Variants in L3MBTL4 observed in about 807,000 individuals in gnomAD.
The protein encoded by L3MBTL4 is L3MBTL histone methyl-lysine binding protein 4.
Under a neutral mutation model 84.5 loss-of-function variants are expected in L3MBTL4, and 70 were observed. That is an observed-to-expected ratio of 0.83 (90% CI 0.68 to 1.01). The LOEUF is 1.01. Among genes scored for constraint, L3MBTL4 ranks in the 50% least tolerant of loss-of-function variants. L3MBTL4 has a pLI of 0.00. For missense variants in L3MBTL4, 715 were observed against 754.8 expected (o/e 0.95, Z 0.62); for synonymous variants, 274 against 259.8 (o/e 1.05, Z -0.52).
At chr18:6,249,318 C>T (rs1439318140) in intron 5 of L3MBTL4, among the ~76,000 whole-genome samples, 2 of 152,072 alleles carry the variant, frequency 1.3e-5, no homozygotes, top group Non-Finnish European at 2.9e-5. Context: ...CATGTTTTAA[C>T]AAAACTGAAA....
intron 18 of L3MBTL4, 73 bp downstream of exon 18, chr18:5,960,021 T>TAC (rs1470231370): frequency 1.2e-4 from 34 of 273,040 alleles, no homozygotes; most frequent in African/African-American, 5.6e-4. Flanking sequence ...CATATATATA[T>TAC]ATACATATAT....
intron 16 of L3MBTL4, among the ~76,000 whole-genome samples, chr18:5,999,897 C>A (rs2054140624): frequency 6.6e-6 from 1 of 152,078 alleles, no homozygotes; most frequent in African/African-American, 2.4e-5. Flanking sequence ...TAGTTTTGTT[C>A]AAGGAGTTAG....
intron 14 of L3MBTL4, among the ~76,000 whole-genome samples, chr18:6,110,749 G>A (rs1016439937): frequency 6.6e-6 from 1 of 152,038 alleles, no homozygotes; most frequent in Non-Finnish European, 1.5e-5. Flanking sequence ...GCATCAGAGA[G>A]GACATGGTCA....
intron 1 of L3MBTL4, among the ~76,000 whole-genome samples, chr18:6,400,849 A>T (rs1294545036): frequency 6.6e-6 from 1 of 152,212 alleles, no homozygotes; most frequent in African/African-American, 2.4e-5. Context: ...GAGAGAGACA[A>T]GCCACCTGTT....
intron 5 of L3MBTL4, among the ~76,000 whole-genome samples, chr18:6,257,645 C>CTTTTTTTTTTTTTTTT (rs770563046): frequency 7.8e-6 from 1 of 127,490 alleles, no homozygotes. Context: ...TTTTCTTTTT[C>CTTTTTTTTTTTTTTTT]TTTTTTTTTT....
rs1173551164 is a variant in L3MBTL4 at position 6,408,666 on chromosome 18, TTTC to T, written c.-91+6132_-91+6134del. On this transcript the variant is annotated intron_variant, in intron 1 of 18. Coordinates refer to ENST00000317931, the MANE Select transcript of L3MBTL4 (RefSeq NM_001330559.2). ...CAGTAGACAAATACCTATGTCCAGT[TTTC>T]TTTTTTTCTTCTTCTTCTTTTTTTT... is the stretch of plus-strand genomic sequence containing the variant. Among the ~76,000 whole-genome samples the T allele has an allele frequency of 5.3e-5, 8 of 151,928 alleles. No homozygotes were observed. In the South Asian group the frequency reaches 1.5e-3, roughly 28 times the overall value.
intron 16 of L3MBTL4, among the ~76,000 whole-genome samples, chr18:6,033,507 T>C (rs2055945713): frequency 6.6e-6 from 1 of 152,248 alleles, no homozygotes; most frequent in Non-Finnish European, 1.5e-5. Context: ...GTCATCTTGC[T>C]ACTAGTTTTT....
chr18:6,289,754 C>G (rs534615546), intron 4 of L3MBTL4, among the ~76,000 whole-genome samples: 3 of 152,096 alleles, frequency 2.0e-5, no homozygotes, highest in Non-Finnish European at 2.9e-5. Flanking sequence ...TATGGCCTGA[C>G]AGTGAAATGT....
intron 12 of L3MBTL4, among the ~76,000 whole-genome samples, chr18:6,196,087 A>G (rs2045365074): frequency 6.6e-6 from 1 of 151,256 alleles, no homozygotes. Context: ...TACATCACCA[A>G]CAGCTCCACT....
At chr18:5,966,569 C>T (rs945235240) in intron 17 of L3MBTL4, among the ~76,000 whole-genome samples, 4 of 152,180 alleles carry the variant, frequency 2.6e-5, no homozygotes, top group African/African-American at 7.2e-5. Flanking sequence ...GGAAATGCAC[C>T]TTGGTAACCT....
intron 16 of L3MBTL4, among the ~76,000 whole-genome samples, chr18:6,033,816 A>T (rs1177462002): frequency 1.3e-5 from 2 of 152,112 alleles, no homozygotes; most frequent in Admixed American, 1.3e-4. Flanking sequence ...CTCTGCTCTC[A>T]CCCTTTTTGG....
chr18:6,074,519 T>C (rs936716101), intron 16 of L3MBTL4, among the ~76,000 whole-genome samples: 1 of 152,176 alleles, frequency 6.6e-6, no homozygotes, highest in African/African-American at 2.4e-5. Context: ...TATTGGTCAC[T>C]GATGATGATG....
intron 16 of L3MBTL4, among the ~76,000 whole-genome samples, chr18:6,066,309 G>A (rs1342264522): frequency 1.3e-5 from 2 of 152,126 alleles, no homozygotes; most frequent in African/African-American, 4.8e-5. Context: ...TCCATGTGCT[G>A]ATGAATAGAA....
intron 1 of L3MBTL4, among the ~76,000 whole-genome samples, chr18:6,377,742 T>A (rs1047166001): frequency 2.0e-5 from 3 of 152,250 alleles, no homozygotes; most frequent in Non-Finnish European, 2.9e-5. Flanking sequence ...TTTGGGTTGG[T>A]TCCAAGTCTT....
At chr18:6,284,587 G>A (rs2049477336) in intron 4 of L3MBTL4, among the ~76,000 whole-genome samples, 5 of 152,246 alleles carry the variant, frequency 3.3e-5, no homozygotes, top group South Asian at 2.1e-4. Flanking sequence ...GGCCGGCTGC[G>A]CACGCAGGCT....
chr18:6,169,078 C>A (rs551645053), intron 13 of L3MBTL4, among the ~76,000 whole-genome samples: 5 of 152,260 alleles, frequency 3.3e-5, no homozygotes, highest in South Asian at 2.1e-4. Flanking sequence ...ACATGAAAAA[C>A]TGCTTATCGT....
intron 13 of L3MBTL4, among the ~76,000 whole-genome samples, chr18:6,158,405 A>G (rs1283324536): frequency 6.6e-6 from 1 of 152,226 alleles, no homozygotes; most frequent in African/African-American, 2.4e-5. Context: ...AAGAGCAGAT[A>G]GACCATTCTG....
chr18:5,986,987 T>G (rs577057270), intron 16 of L3MBTL4, among the ~76,000 whole-genome samples: 4 of 152,208 alleles, frequency 2.6e-5, no homozygotes, highest in Non-Finnish European at 5.9e-5. Flanking sequence ...AGCAGGTAAC[T>G]CCCAAATGAA....
intron 1 of L3MBTL4, among the ~76,000 whole-genome samples, chr18:6,314,726 A>G (rs1276427523): frequency 6.6e-6 from 1 of 152,220 alleles, no homozygotes; most frequent in Admixed American, 6.5e-5. Context: ...AAGCATCTGA[A>G]TACTTCAAAT....
Sources: gnomAD v4.1 joint callset for allele counts (sites outside exome capture counted in the v4.1 genomes callset) on GRCh38, gnomAD v4.1.1 for gene constraint, MANE v1.5 for transcripts, NCBI Gene and HGNC (gene_info 2026-07-23, HGNC 2026-07-21) for gene names.